The following SLC35B4 variants were observed in gnomAD, a reference collection of about 807,000 sequenced individuals.
SLC35B4 encodes nucleotide sugar transporter SLC35B4.
In SLC35B4, 28 loss-of-function variants were observed where a neutral mutation model predicts 39.5. The ratio of observed to expected loss-of-function variants is 0.71; its 90% CI spans 0.53 to 0.97. The LOEUF (loss-of-function observed/expected upper bound fraction) is 0.97. SLC35B4 is among the 50% of genes least tolerant of loss of function. The pLI, the probability that SLC35B4 is intolerant of heterozygous loss-of-function variation, is 0.00. For missense variants in SLC35B4, 334 were observed against 414.3 expected, an observed-to-expected ratio of 0.81 and a Z score of 1.68; for synonymous variants, 145 against 150.4, an observed-to-expected ratio of 0.96 and a Z score of 0.26.
intron 8 of SLC35B4, among the ~76,000 whole-genome samples, chr7:134,297,103 T>C (rs995088238): frequency 6.6e-6 from 1 of 152,188 alleles, no homozygotes; most frequent in Non-Finnish European, 1.5e-5. Flanking sequence ...GTATTTTTAG[T>C]AGAGACGGGG....
At chr7:134,295,226 A>T in intron 9 of SLC35B4, 147 bp from the exon 10 acceptor site, 1 of 939,712 alleles carries the variant, frequency 1.1e-6, no homozygotes, top group Non-Finnish European at 1.6e-6. Flanking sequence ...CCTCCTGGGG[A>T]GAACCTGCAG....
At chr7:134,310,799 G>A (rs1306441407) in intron 1 of SLC35B4, among the ~76,000 whole-genome samples, 4 of 151,924 alleles carry the variant, frequency 2.6e-5, no homozygotes, top group South Asian at 2.1e-4. Flanking sequence ...CACCTGCCTC[G>A]GCCTCCCAAA....
rs2241336 is a variant in SLC35B4 at position 134,294,826 on chromosome 7, A to G, written c.*7T>C. 762,301 of 1,612,646 alleles carry G rather than the reference A, an allele frequency of 0.47. 183,060 individuals are homozygous for G. The highest frequency in any genetic ancestry group is 0.58 in the Admixed American group (34,528 of 59,996). On this transcript the variant is annotated 3_prime_UTR_variant, in exon 10 of 10. Coordinates refer to ENST00000378509, the MANE Select transcript of SLC35B4 (RefSeq NM_032826.5). ...GACGACACTGGTCTACGTACTCCAG[A>G]CAGGCCTCAGTTCTTCTTGCTGTCC...
intron 2 of SLC35B4, among the ~76,000 whole-genome samples, chr7:134,307,775 G>A (rs1803742481): frequency 1.3e-5 from 2 of 152,160 alleles, no homozygotes; most frequent in Admixed American, 1.3e-4. Context: ...GTTAGGTGTG[G>A]AGCCATACAC....
intron 2 of SLC35B4, among the ~76,000 whole-genome samples, chr7:134,307,668 G>T (rs1803740001): frequency 6.6e-6 from 1 of 152,188 alleles, no homozygotes; most frequent in African/African-American, 2.4e-5. Context: ...GTTGATCTTG[G>T]AGATTCCCAA....
upstream of SLC35B4, among the ~76,000 whole-genome samples, chr7:134,319,224 C>T (rs139387375): frequency 7.4e-3 from 1,121 of 152,296 alleles, 8 homozygotes; most frequent in Middle Eastern, 0.014. Context: ...GTTAAATCTC[C>T]AATCAGCTTC....
chr7:134,299,192 C>T (rs1362144178), intron 8 of SLC35B4: 1 of 192,996 alleles, frequency 5.2e-6, no homozygotes, highest in African/African-American at 2.4e-5. Context: ...GACGGCTGCC[C>T]AACTTCGCAG....
At chr7:134,297,544 A>C (rs763141106) in intron 8 of SLC35B4, among the ~76,000 whole-genome samples, 44 of 152,206 alleles carry the variant, frequency 2.9e-4, no homozygotes, top group Non-Finnish European at 5.7e-4. Flanking sequence ...TGATAAAAAC[A>C]AAAATCATAG....
chr7:134,295,747 G>C (rs1038010154), intron 9 of SLC35B4, among the ~76,000 whole-genome samples: 1 of 152,076 alleles, frequency 6.6e-6, no homozygotes, highest in African/African-American at 2.4e-5. Flanking sequence ...TCAGGACTTT[G>C]CAGCAGCTTG....
chr7:134,318,773 G>A (rs1040645736), upstream of SLC35B4, among the ~76,000 whole-genome samples: 3 of 152,170 alleles, frequency 2.0e-5, no homozygotes, highest in African/African-American at 7.2e-5. Context: ...GCATGTCTAA[G>A]TGATTGCACA....
chr7:134,302,048 A>C lies in SLC35B4; in HGVS notation c.407T>G (p.Phe136Cys). 6.2e-7 allele frequency: 1 copy of C among 1,614,064 alleles called. No homozygotes were observed. Among genetic ancestry groups the C allele is most frequent in the Non-Finnish European group, 8.5e-7 (1 of 1,179,988 alleles). ...LVSVGIFICTFMSAKQVTSQS... is the reference protein window; with the variant it reads ...LVSVGIFICTCMSAKQVTSQS... Reference sequence around the variant, plus strand: ...TCTTACCACCTGCTTTGCTGACATAAAAGTGCAAATAAATATCCCCACAGA... The same window carrying C: ...TCTTACCACCTGCTTTGCTGACATACAAGTGCAAATAAATATCCCCACAGA... The change falls in exon 5 of 10, where the codon TTT becomes TGT. Residue 136 changes from phenylalanine (F) to cysteine (C), a missense_variant. Physicochemically the swap from Phe to Cys is radical, Grantham distance 205. Transcript: ENST00000378509.
intron 9 of SLC35B4, 77 bp from the exon 10 acceptor site, chr7:134,295,156 C>T: frequency 2.6e-6 from 4 of 1,540,226 alleles, no homozygotes; most frequent in Non-Finnish European, 3.5e-6. Context: ...GGCATGGTCC[C>T]TGGTTTAACT....
Position 134,290,406 on chromosome 7 carries a change from T to C in SLC35B4, c.*4427A>G, listed in dbSNP as rs1803307594. ...TCCAGAAACTTGAGGGAAGAAGAGA[T>C]CTTGGCAAGCATTCATTTATTCACA... On this transcript the variant is annotated 3_prime_UTR_variant, in exon 10 of 10. Coordinates refer to ENST00000378509, the MANE Select transcript of SLC35B4 (RefSeq NM_032826.5). The C allele has an allele frequency of 6.6e-6, 1 of 152,152 alleles. No individual in the cohort carries two copies. Among genetic ancestry groups the C allele is most frequent in the African/African-American group, 2.4e-5 (1 of 41,432 alleles). The allele number at this position is 152,152 out of a possible 1,614,324, so 9.4% of individuals were successfully genotyped here. A position where few individuals can be genotyped will look rare whatever the true frequency, so the allele number is the denominator to read the frequency against.
At chr7:134,302,540 C>T (rs1228472964) in intron 4 of SLC35B4, among the ~76,000 whole-genome samples, 1 of 152,136 alleles carries the variant, frequency 6.6e-6, no homozygotes, top group Non-Finnish European at 1.5e-5. Flanking sequence ...GTGCAAGCAG[C>T]AGGATTCAAT....
intron 3 of SLC35B4, among the ~76,000 whole-genome samples, chr7:134,305,631 T>C (rs573953624): frequency 5.9e-5 from 9 of 152,244 alleles, no homozygotes; most frequent in African/African-American, 2.2e-4. Context: ...TAAGAGCTTT[T>C]AATAAGTTTC....
At position 134,299,346 on chromosome 7, in the gene SLC35B4, GA is replaced by G. The variant is rs147913039; in HGVS notation, c.673+176del. On this transcript the variant is annotated intron_variant, in intron 8 of 9. Transcript: ENST00000378509. ...TTTTACTTCATTTGTAAATAATTGA[GA>G]AACCCCTGTAAAAGCTTTTGCTGCT... 3.7e-3 allele frequency: 1,888 copies of G among 510,430 alleles called. 25 individuals carry two copies. The highest frequency in any genetic ancestry group is 0.033 in the African/African-American group (1,717 of 51,414). 31.6% of individuals were successfully genotyped at this position (510,430 alleles called of 1,614,324 possible).
Position 134,291,762 on chromosome 7 carries a change from AGTT to A in SLC35B4, c.*3068_*3070del, listed in dbSNP as rs1803333964. Reference sequence around the variant, plus strand: ...GATATAAATGTATCAAGTACATTACAGTTGTTTTAGTTGGACGAAAAAGAAAAC... The same window carrying A: ...GATATAAATGTATCAAGTACATTACAGTTTTAGTTGGACGAAAAAGAAAAC... On this transcript the variant is annotated 3_prime_UTR_variant, in exon 10 of 10. Coordinates refer to ENST00000378509, the MANE Select transcript of SLC35B4 (RefSeq NM_032826.5). The A allele has an allele frequency of 2.0e-5, 3 of 152,270 alleles. No homozygotes were observed. The South Asian group carries it at 6.2e-4, about 32-fold the overall frequency. 9.4% of individuals were successfully genotyped at this position (152,270 alleles called of 1,614,324 possible).
chr7:134,320,277 C>T (rs894443068), upstream of SLC35B4, among the ~76,000 whole-genome samples: 1 of 152,090 alleles, frequency 6.6e-6, no homozygotes, highest in Non-Finnish European at 1.5e-5. Context: ...GGGTTGATCC[C>T]CGAGATGGCA....
At chr7:134,299,010 G>A (rs753534253) in intron 8 of SLC35B4, among the ~76,000 whole-genome samples, 10 of 152,176 alleles carry the variant, frequency 6.6e-5, no homozygotes, top group Non-Finnish European at 1.2e-4. Context: ...TACACTAGAC[G>A]CTTGAAACTA....
Sources: gnomAD v4.1 joint callset for allele counts (sites outside exome capture counted in the v4.1 genomes callset) on GRCh38, gnomAD v4.1.1 for gene constraint, MANE v1.5 for transcripts, NCBI Gene and HGNC (gene_info 2026-07-23, HGNC 2026-07-21) for gene names.